The following CSMD1 variants were observed in gnomAD, a reference collection of about 807,000 sequenced individuals.
CSMD1 encodes CUB and Sushi multiple domains 1, also known as CUB and sushi domain-containing protein 1.
Under a neutral mutation model 417.5 loss-of-function variants are expected in CSMD1, and 213 were observed. The observed-to-expected ratio is 0.51, with a 90% CI of 0.46 to 0.57. The LOEUF (loss-of-function observed/expected upper bound fraction) is 0.57. Ranked by LOEUF, CSMD1 falls within the 20% of genes least tolerant of loss-of-function variation. CSMD1 has a pLI of 0.00. For missense variants in CSMD1, 6,923 were observed against 4,529.7 expected, an observed-to-expected ratio of 1.53 and a Z score of -15.17; for synonymous variants, 2,862 against 1,736.8, an observed-to-expected ratio of 1.65 and a Z score of -16.11.
chr8:3,507,565 C>T (rs1796881672), intron 10 of CSMD1, among the ~76,000 whole-genome samples: 2 of 152,136 alleles, frequency 1.3e-5, no homozygotes, highest in African/African-American at 2.4e-5. Context: ...TTCTAGATCC[C>T]TGAGGAATCG....
chr8:4,957,140 C>G (rs1809168983), intron 1 of CSMD1, among the ~76,000 whole-genome samples: 1 of 152,168 alleles, frequency 6.6e-6, no homozygotes, highest in Non-Finnish European at 1.5e-5. Context: ...CAAATGAAAT[C>G]TGGCAATTAG....
Position 3,170,234 on chromosome 8 carries a change from G to C in CSMD1, c.5726-7957C>G, listed in dbSNP as rs544004393. Reference sequence around the variant, plus strand: ...GTATTTTATTTTTTTTTGAGACGGAGTCTCGCTCTGTGGCCCAGGCTGGAG... The same window carrying C: ...GTATTTTATTTTTTTTTGAGACGGACTCTCGCTCTGTGGCCCAGGCTGGAG... On this transcript the variant is annotated intron_variant, in intron 37 of 69. Transcript: ENST00000635120. Among the ~76,000 whole-genome samples the C allele has an allele frequency of 3.3e-5, 5 of 152,216 alleles. No homozygotes were observed. The East Asian group carries it at 7.7e-4, about 24-fold the overall frequency.
At chr8:3,658,538 T>C (rs1798244817) in intron 7 of CSMD1, among the ~76,000 whole-genome samples, 1 of 151,178 alleles carries the variant, frequency 6.6e-6, no homozygotes, top group South Asian at 2.1e-4. Flanking sequence ...ATCCCAGCAC[T>C]TTGGGAGGCC....
chr8:3,530,822 C>T (rs552227960), intron 10 of CSMD1, among the ~76,000 whole-genome samples: 3 of 151,698 alleles, frequency 2.0e-5, no homozygotes, highest in African/African-American at 4.8e-5. Flanking sequence ...AGCCACCATG[C>T]CTGCCCTGCT....
chr8:4,578,896 G>C (rs1463409779), intron 2 of CSMD1, among the ~76,000 whole-genome samples: 1 of 148,632 alleles, frequency 6.7e-6, no homozygotes, highest in East Asian at 2.0e-4. Context: ...TCATTATTTT[G>C]AAATCACCAT....
intron 3 of CSMD1, among the ~76,000 whole-genome samples, chr8:4,219,075 T>C (rs987971358): frequency 2.0e-5 from 3 of 152,166 alleles, no homozygotes; most frequent in African/African-American, 7.2e-5. Context: ...GTCTACTCTA[T>C]CACTTTTCCT....
chr8:4,265,452 T>G (rs1245086352), intron 3 of CSMD1, among the ~76,000 whole-genome samples: 1 of 54,800 alleles, frequency 1.8e-5, no homozygotes, highest in African/African-American at 3.5e-5. Flanking sequence ...CTAACTTAAT[T>G]TGACCTCGAC....
intron 3 of CSMD1, among the ~76,000 whole-genome samples, chr8:4,238,482 G>A (rs536711611): frequency 6.6e-6 from 1 of 152,178 alleles, no homozygotes; most frequent in East Asian, 1.9e-4. Flanking sequence ...CTTAGGGTAA[G>A]GAGGCACATT....
chr8:4,583,067 G>C (rs1476138536), intron 2 of CSMD1, among the ~76,000 whole-genome samples: 39 of 152,174 alleles, frequency 2.6e-4, no homozygotes. Context: ...CCTTCCCGCG[G>C]GGCAGGGCTC....
chr8:4,141,867 G>A (rs376595999), intron 3 of CSMD1, among the ~76,000 whole-genome samples: 1 of 150,954 alleles, frequency 6.6e-6, no homozygotes. Context: ...TAGATATTGA[G>A]AGTACCAATC....
chr8:3,869,560 CACAGGTAGATATAA>C (rs1805337057), intron 5 of CSMD1, among the ~76,000 whole-genome samples: 1 of 152,128 alleles, frequency 6.6e-6, no homozygotes, highest in African/African-American at 2.4e-5. Flanking sequence ...TGACTTGGTT[CACAGGTAGATATAA>C]ACCTATCTAT....
intron 1 of CSMD1, among the ~76,000 whole-genome samples, chr8:4,825,933 G>GCAGCTAT (rs150425790): frequency 0.17 from 25,945 of 151,728 alleles, 2,836 homozygotes; most frequent in Non-Finnish European, 0.25. Context: ...CAAAAAACAG[G>GCAGCTAT]CAGCTATCAC....
chr8:3,945,536 T>C (rs1811168082), intron 5 of CSMD1, among the ~76,000 whole-genome samples: 1 of 151,380 alleles, frequency 6.6e-6, no homozygotes, highest in Admixed American at 6.6e-5. Flanking sequence ...AAGGCGTTGA[T>C]TCATATAACT....
intron 26 of CSMD1, among the ~76,000 whole-genome samples, chr8:3,234,774 T>G (rs965676356): frequency 3.3e-5 from 5 of 152,182 alleles, no homozygotes; most frequent in Admixed American, 3.3e-4. Context: ...AATCATAGAA[T>G]ACAATCACCA....
intron 5 of CSMD1, among the ~76,000 whole-genome samples, chr8:3,765,392 T>C (rs1312250446): frequency 6.6e-6 from 1 of 152,166 alleles, no homozygotes; most frequent in Non-Finnish European, 1.5e-5. Flanking sequence ...TAACCACTCC[T>C]ACCTTTACAG....
At chr8:3,322,930 C>CTTTTTT (rs147438006) in intron 23 of CSMD1, among the ~76,000 whole-genome samples, 1 of 151,926 alleles carries the variant, frequency 6.6e-6, no homozygotes, top group Non-Finnish European at 1.5e-5. Context: ...TTGTTTTTTG[C>CTTTTTT]TTTTTTTTGT....
At chr8:3,200,565 A>AATAAT (rs764637640) in intron 32 of CSMD1, among the ~76,000 whole-genome samples, 10 of 150,270 alleles carry the variant, frequency 6.7e-5, no homozygotes, top group Non-Finnish European at 1.0e-4. Flanking sequence ...TCTCAAAAAA[A>AATAAT]AATAATAATA....
chr8:4,331,347 G>A (rs1295883488), intron 3 of CSMD1, among the ~76,000 whole-genome samples: 5 of 152,020 alleles, frequency 3.3e-5, no homozygotes, highest in East Asian at 1.9e-4. Context: ...ATTTTACCCC[G>A]CCCCTCAAAG....
intron 3 of CSMD1, among the ~76,000 whole-genome samples, chr8:4,128,635 C>G (rs371919989): frequency 6.6e-5 from 10 of 152,102 alleles, no homozygotes; most frequent in African/African-American, 2.4e-4. Context: ...CCTCTTGAAG[C>G]TTTAGCTCTC....
Sources: gnomAD v4.1 joint callset for allele counts (sites outside exome capture counted in the v4.1 genomes callset) on GRCh38, gnomAD v4.1.1 for gene constraint, MANE v1.5 for transcripts, NCBI Gene and HGNC (gene_info 2026-07-23, HGNC 2026-07-21) for gene names.